The following AFG2A variants were observed in gnomAD, a reference collection of about 807,000 sequenced individuals.
The protein encoded by AFG2A is ATPase family gene 2 protein homolog A.
the AFG2A span, chr4:123,316,583 A>T: frequency 1.3e-5 from 2 of 152,244 alleles, no homozygotes; most frequent in African/African-American, 4.8e-5. Context: ...ACAAGAAAAT[A>T]AGAGGAAAAC....
the AFG2A span, among the ~76,000 whole-genome samples, chr4:123,069,201 A>G: frequency 6.6e-6 from 1 of 152,192 alleles, no homozygotes. Context: ...GTGAGAACAC[A>G]TTTTGAAAAA....
At chr4:123,029,254 T>A in the AFG2A span, among the ~76,000 whole-genome samples, 1 of 151,884 alleles carries the variant, frequency 6.6e-6, no homozygotes, top group Non-Finnish European at 1.5e-5. Context: ...CCTGGCAAAT[T>A]TTTTGTATTT....
the AFG2A span, among the ~76,000 whole-genome samples, chr4:123,259,179 AT>A: frequency 6.6e-6 from 1 of 152,052 alleles, no homozygotes; most frequent in African/African-American, 2.4e-5. Context: ...GGTACTTTTA[AT>A]GGCAGGGATG....
chr4:122,927,017 G>C, the AFG2A span, among the ~76,000 whole-genome samples: 1 of 152,256 alleles, frequency 6.6e-6, no homozygotes, highest in Non-Finnish European at 1.5e-5. Context: ...GCTTGGTGGG[G>C]GTGGGGTGGA....
the AFG2A span, among the ~76,000 whole-genome samples, chr4:123,235,790 G>A: frequency 6.6e-6 from 1 of 152,194 alleles, no homozygotes; most frequent in African/African-American, 2.4e-5. Context: ...TTCTGCTTAT[G>A]TTTAACAGCA....
chr4:123,102,839 G>GTGTGT, the AFG2A span, among the ~76,000 whole-genome samples: 1 of 83,408 alleles, frequency 1.2e-5, no homozygotes, highest in Non-Finnish European at 2.6e-5. Context: ...TGTGTGTGTG[G>GTGTGT]TGTCAAAAAA....
chr4:123,219,309 C>G, the AFG2A span, among the ~76,000 whole-genome samples: 1 of 152,192 alleles, frequency 6.6e-6, no homozygotes, highest in South Asian at 2.1e-4. Context: ...ACTGCTTATA[C>G]CCCTTCTCCT....
At chr4:123,189,448 T>G in the AFG2A span, among the ~76,000 whole-genome samples, 11 of 152,140 alleles carry the variant, frequency 7.2e-5, no homozygotes, top group African/African-American at 2.4e-4. Flanking sequence ...ATGCCTTTTT[T>G]CTTTTCTTTT....
At chr4:123,266,180 G>A in the AFG2A span, among the ~76,000 whole-genome samples, 1 of 151,918 alleles carries the variant, frequency 6.6e-6, no homozygotes, top group East Asian at 1.9e-4. Context: ...TCTCCTTTTA[G>A]GAACTCTTTT....
At chr4:122,946,769 T>C in the AFG2A span, among the ~76,000 whole-genome samples, 1 of 152,208 alleles carries the variant, frequency 6.6e-6, no homozygotes, top group African/African-American at 2.4e-5. Flanking sequence ...AACTAGTCTA[T>C]AAGCGAAGAC....
chr4:122,962,761 T>C, the AFG2A span, among the ~76,000 whole-genome samples: 1 of 152,250 alleles, frequency 6.6e-6, no homozygotes, highest in African/African-American at 2.4e-5. Flanking sequence ...CTTACTCTTT[T>C]TTTATCTAAT....
At chr4:123,091,852 T>G in the AFG2A span, among the ~76,000 whole-genome samples, 13,838 of 152,294 alleles carry the variant, frequency 0.091, 814 homozygotes, top group Middle Eastern at 0.2. Flanking sequence ...AACCAGTTTC[T>G]CTTTTTTGTT....
the AFG2A span, among the ~76,000 whole-genome samples, chr4:123,002,391 T>A: frequency 6.6e-6 from 1 of 152,196 alleles, no homozygotes; most frequent in Non-Finnish European, 1.5e-5. Flanking sequence ...TGCAGTTTCT[T>A]CCTAGTCTCA....
chr4:123,003,239 C>T, the AFG2A span, among the ~76,000 whole-genome samples: 1 of 152,102 alleles, frequency 6.6e-6, no homozygotes, highest in African/African-American at 2.4e-5. Flanking sequence ...ACTTCTTTGC[C>T]TTTGGTTTGA....
the AFG2A span, among the ~76,000 whole-genome samples, chr4:123,157,353 C>T: frequency 2.0e-5 from 3 of 152,040 alleles, no homozygotes; most frequent in African/African-American, 7.2e-5. Flanking sequence ...CATAACCATA[C>T]ACATTTATTG....
chr4:122,970,780 C>T, the AFG2A span, among the ~76,000 whole-genome samples: 1 of 151,864 alleles, frequency 6.6e-6, no homozygotes, highest in Non-Finnish European at 1.5e-5. Flanking sequence ...AAAGACACAT[C>T]TCTTAGAACG....
At chr4:122,937,232 A>G in the AFG2A span, among the ~76,000 whole-genome samples, 2 of 152,310 alleles carry the variant, frequency 1.3e-5, no homozygotes, top group East Asian at 3.9e-4. Flanking sequence ...GTTATAGACC[A>G]ATATCCTAAT....
the AFG2A span, among the ~76,000 whole-genome samples, chr4:123,088,163 C>T: frequency 6.6e-6 from 1 of 152,144 alleles, no homozygotes; most frequent in East Asian, 1.9e-4. Context: ...AGCCATTGTG[C>T]ACTTTATCCA....
chr4:123,146,328 C>T, the AFG2A span, among the ~76,000 whole-genome samples: 22 of 152,080 alleles, frequency 1.4e-4, no homozygotes, highest in South Asian at 4.6e-3. Flanking sequence ...TTTATAGCCA[C>T]ACAATGGGGA....
Sources: gnomAD v4.1 joint callset for allele counts (sites outside exome capture counted in the v4.1 genomes callset) on GRCh38, gnomAD v4.1.1 for gene constraint, MANE v1.5 for transcripts, NCBI Gene and HGNC (gene_info 2026-07-23, HGNC 2026-07-21) for gene names.